Variants in DCC observed in about 807,000 individuals in gnomAD.
The protein encoded by DCC is netrin receptor DCC.
In DCC, 58 loss-of-function variants were observed where a neutral mutation model predicts 172.5. The ratio of observed to expected loss-of-function variants is 0.34; its 90% CI spans 0.27 to 0.42. DCC has a LOEUF of 0.42. Ranked by LOEUF, DCC falls within the 10% of genes least tolerant of loss-of-function variation. The pLI, the probability that DCC is intolerant of heterozygous loss-of-function variation, is 1.00. For synonymous variants in DCC, 709 were observed against 644.5 expected, an observed-to-expected ratio of 1.10 and a Z score of -1.52; for missense variants, 1,740 against 1,791.0, an observed-to-expected ratio of 0.97 and a Z score of 0.51.
At chr18:53,048,739 A>G (rs1283231142) in intron 5 of DCC, among the ~76,000 whole-genome samples, 3 of 151,506 alleles carry the variant, frequency 2.0e-5, no homozygotes, top group Admixed American at 6.6e-5. Context: ...TCAAACGGCA[A>G]TTCTCTTTTC....
intron 1 of DCC, among the ~76,000 whole-genome samples, chr18:52,649,645 CTAAA>C (rs1355059969): frequency 6.6e-6 from 1 of 152,036 alleles, no homozygotes; most frequent in Non-Finnish European, 1.5e-5. Context: ...GCTTCCACCT[CTAAA>C]TGAGAAAATG....
At chr18:52,854,599 T>A (rs1276093543) in intron 2 of DCC, among the ~76,000 whole-genome samples, 1 of 152,222 alleles carries the variant, frequency 6.6e-6, no homozygotes, top group Non-Finnish European at 1.5e-5. Flanking sequence ...AATAGTTGAT[T>A]TACTTGCTAG....
chr18:52,434,996 G>A lies in DCC; in HGVS notation c.91+94118G>A, dbSNP rs1330232956. Among the ~76,000 whole-genome samples the A allele has an allele frequency of 3.3e-5, 5 of 152,138 alleles. No homozygotes were observed. The East Asian group carries it at 9.6e-4, about 29-fold the overall frequency. On this transcript the variant is annotated intron_variant, in intron 1 of 28. Transcript: ENST00000442544. ...CGAGTAATCATAGTGCCTCACTAGG[G>A]CTAGGTGATTCGGTTATCTCATAGT...
chr18:53,292,156 A>G lies in DCC; in HGVS notation c.1912-13422A>G, dbSNP rs76271020. Among the ~76,000 whole-genome samples, 1,302 of 135,488 alleles carry G rather than the reference A, an allele frequency of 9.6e-3. 49 individuals are homozygous for G. In the East Asian group the frequency reaches 0.12, roughly 12 times the overall value. 88.9% of individuals were successfully genotyped at this position (135,488 alleles called of 152,430 possible). ...CCTGTAAGCTGGGCTATACTCTGAC[A>G]TTTGGGGATCATTTTCTTAGTCAGT... On this transcript the variant is annotated intron_variant, in intron 12 of 28. Transcript: ENST00000442544.
At chr18:52,599,809 C>T (rs1432182854) in intron 1 of DCC, among the ~76,000 whole-genome samples, 3 of 151,976 alleles carry the variant, frequency 2.0e-5, no homozygotes, top group Admixed American at 6.6e-5. Context: ...CCACCGCGCC[C>T]GGCCTGTCTA....
At chr18:53,172,528 G>A (rs139746826) in intron 8 of DCC, among the ~76,000 whole-genome samples, 13 of 152,174 alleles carry the variant, frequency 8.5e-5, no homozygotes, top group East Asian at 5.8e-4. Context: ...TATGGCCAGC[G>A]TGACTTGGAA....
intron 9 of DCC, 56 bp from the exon 10 acceptor site, chr18:53,205,156 GAACA>G (rs1304973054): frequency 7.2e-7 from 1 of 1,390,680 alleles, no homozygotes; most frequent in Non-Finnish European, 1.0e-6. Context: ...TTTGTTTTGA[GAACA>G]AAAACCCACT....
chr18:53,267,482 C>T (rs372651264), intron 12 of DCC, among the ~76,000 whole-genome samples: 11 of 151,896 alleles, frequency 7.2e-5, no homozygotes, highest in Non-Finnish European at 1.0e-4. Flanking sequence ...CCACTGTGCC[C>T]GGCCAATATT....
At chr18:52,812,118 T>A (rs2038212262) in intron 2 of DCC, among the ~76,000 whole-genome samples, 1 of 152,198 alleles carries the variant, frequency 6.6e-6, no homozygotes, top group African/African-American at 2.4e-5. Flanking sequence ...TCACTCAGTA[T>A]TTTAGAAATT....
intron 2 of DCC, among the ~76,000 whole-genome samples, chr18:52,833,659 G>C (rs1419153942): frequency 6.6e-6 from 1 of 152,070 alleles, no homozygotes. Context: ...CTTATTAAAT[G>C]TTATATGTTT....
chr18:53,148,448 T>G (rs2043948358), intron 7 of DCC, among the ~76,000 whole-genome samples: 1 of 152,054 alleles, frequency 6.6e-6, no homozygotes, highest in African/African-American at 2.4e-5. Flanking sequence ...TGACTGGGAA[T>G]TCAATGACAT....
intron 5 of DCC, among the ~76,000 whole-genome samples, chr18:52,963,399 ACATATTTC>A (rs1336552728): frequency 6.6e-6 from 1 of 152,112 alleles, no homozygotes; most frequent in Non-Finnish European, 1.5e-5. Flanking sequence ...CCAAGTGAGC[ACATATTTC>A]CTTAATGATA....
intron 5 of DCC, among the ~76,000 whole-genome samples, chr18:53,026,335 A>T (rs527997370): frequency 1.4e-4 from 21 of 152,160 alleles, no homozygotes; most frequent in African/African-American, 5.1e-4. Flanking sequence ...TGTCTTATCT[A>T]TGTTTCCTCC....
rs776275665 is a variant in DCC, at chr18:53,416,152, C to A, written c.3159C>A (p.Asp1053Glu). The change falls in exon 21 of 29, where the codon GAC (aspartate) becomes GAA (glutamate). Residue 1053 changes from aspartate to glutamate, a missense_variant. Asp to Glu is a conservative substitution (Grantham distance 45). Coordinates refer to ENST00000442544, the MANE Select transcript of DCC (RefSeq NM_005215.4). ...AACACCCTGACAAAATGGCTAATGA[C>A]CAAGGTATGGTGGCTCAATCTGTCA... is the stretch of plus-strand genomic sequence containing the variant. The part of the protein sequence containing the change: ...KVEHPDKMAN[D>E]QGRHGDGGYW... 1 of 1,607,208 alleles carries A rather than the reference C, an allele frequency of 6.2e-7. No homozygotes were observed.
chr18:52,961,133 G>A (rs1404134855), intron 5 of DCC, among the ~76,000 whole-genome samples: 1 of 152,100 alleles, frequency 6.6e-6, no homozygotes, highest in Admixed American at 6.6e-5. Context: ...CGGTGTGGGG[G>A]CCTGTTGTGC....
At chr18:53,309,839 T>C (rs189758192) in intron 13 of DCC, among the ~76,000 whole-genome samples, 1 of 151,598 alleles carries the variant, frequency 6.6e-6, no homozygotes, top group Admixed American at 6.6e-5. Flanking sequence ...TGAGTTATAA[T>C]AAAGCATTTA....
chr18:53,440,001 G>A (rs920921310), intron 22 of DCC, among the ~76,000 whole-genome samples: 10 of 151,542 alleles, frequency 6.6e-5, no homozygotes, highest in Admixed American at 1.3e-4. Context: ...TCTTGACCTC[G>A]TGATCCGCCC....
Position 53,532,748 on chromosome 18 carries a change from T to G in DCC, c.*2095T>G, listed in dbSNP as rs917296357. On this transcript the variant is annotated 3_prime_UTR_variant, in exon 29 of 29. Transcript: ENST00000442544. The stretch of plus-strand genomic sequence containing the variant: ...CGAGGGTAATCCTGAGTGCTCAGTT[T>G]GGAATAGGTTGCAAATCTCAGATTT... 3 of 152,100 alleles carry G rather than the reference T, an allele frequency of 2.0e-5. No individual in the cohort carries two copies. The highest frequency in any genetic ancestry group is 7.2e-5 in the African/African-American group (3 of 41,414). 9.4% of individuals were successfully genotyped at this position (152,100 alleles called of 1,614,324 possible).
chr18:52,428,338 G>A (rs1007500008), intron 1 of DCC, among the ~76,000 whole-genome samples: 6 of 152,088 alleles, frequency 3.9e-5, no homozygotes, highest in African/African-American at 1.2e-4. Flanking sequence ...TGTCTACTCC[G>A]TTAGTACAAG....
Sources: allele counts gnomAD v4.1 joint callset (sites outside exome capture counted in the v4.1 genomes callset), GRCh38; gene constraint gnomAD v4.1.1; transcripts MANE v1.5; gene names NCBI Gene and HGNC (gene_info 2026-07-23, HGNC 2026-07-21).